Variants in ZNF532 observed in about 807,000 individuals in gnomAD.
ZNF532 encodes zinc finger protein 532.
In ZNF532, 22 loss-of-function variants were observed where a neutral mutation model predicts 89.3. The observed-to-expected ratio is 0.25, with a 90% CI of 0.18 to 0.35. The LOEUF (loss-of-function observed/expected upper bound fraction) is 0.35. ZNF532 is among the 10% of genes least tolerant of loss of function. ZNF532 has a pLI of 1.00. For synonymous variants in ZNF532, 606 were observed against 649.6 expected (o/e 0.93, Z 1.02); for missense variants, 1,132 against 1,643.4 (o/e 0.69, Z 5.38).
At chr18:58,904,565 G>C (rs1225749806) in intron 2 of ZNF532, among the ~76,000 whole-genome samples, 1 of 151,688 alleles carries the variant, frequency 6.6e-6, no homozygotes, top group African/African-American at 2.4e-5. Context: ...CTGAAGGATG[G>C]AGAGAGAGAG....
rs1007840341 is a variant in ZNF532, at chr18:58,948,351, G to T, written c.2868+122G>T. 3 of 1,027,266 alleles carry T rather than the reference G, an allele frequency of 2.9e-6. No individual in the cohort carries two copies. In the African/African-American group the frequency reaches 4.9e-5, roughly 17 times the overall value. 63.6% of individuals were successfully genotyped at this position (1,027,266 alleles called of 1,614,324 possible). On this transcript the variant is annotated intron_variant, in intron 6 of 9. Transcript: ENST00000591808. ...ACTGTCGAGGGAAGGGATGGATGCT[G>T]GTCGTTGTCAGTGAGCAACTTACAT...
intron 2 of ZNF532, among the ~76,000 whole-genome samples, chr18:58,905,262 T>G (rs2059858720): frequency 6.6e-6 from 1 of 152,224 alleles, no homozygotes; most frequent in South Asian, 2.1e-4. Flanking sequence ...CCAGAGCTGT[T>G]AAACACTGTA....
chr18:58,978,929 C>A, intron 7 of ZNF532, 126 bp from the exon 8 acceptor site: 1 of 715,012 alleles, frequency 1.4e-6, no homozygotes. Flanking sequence ...AGTGTCATGT[C>A]AACCCTCAGT....
rs1568327843 is a variant in ZNF532 at position 58,920,527 on chromosome 18, C to G, written c.2240C>G (p.Ser747Cys). ...GCCATGCCCCTAGATGAAGACCCCTCCAAACTGTGTAGACATAGTCTAAAA... is the reference window on the plus strand; with the variant it reads ...GCCATGCCCCTAGATGAAGACCCCTGCAAACTGTGTAGACATAGTCTAAAA... The part of the protein sequence containing the change: ...TPAMPLDEDP[S>C]KLCRHSLKCL... Residue 747 changes from serine (S) to cysteine (C), a missense_variant, in exon 3 of 10, where the codon TCC (serine) becomes TGC (cysteine). Physicochemically the swap from Ser to Cys is moderately radical, Grantham distance 112. This residue lies in a region of ZNF532 where 100 missense variants were observed against 122.0 expected (regional missense o/e 0.82). Coordinates refer to ENST00000591808, the MANE Select transcript of ZNF532 (RefSeq NM_001375912.1). 6.2e-7 allele frequency: 1 copy of G among 1,613,998 alleles called. No individual in the cohort carries two copies. Among genetic ancestry groups the G allele is most frequent in the East Asian group, 2.2e-5 (1 of 44,876 alleles).
rs150160197 is a variant in ZNF532, at chr18:58,887,369, T to A, written c.-18+21790T>A. Among the ~76,000 whole-genome samples, 1,483 of 152,348 alleles carry A rather than the reference T, an allele frequency of 9.7e-3. 13 individuals carry two copies. Among genetic ancestry groups the A allele is most frequent in the African/African-American group, 0.031 (1,274 of 41,582 alleles). The stretch of plus-strand genomic sequence containing the variant: ...ATGGGGCAGGTATTTTTGGAGGCTT[T>A]ATATATTCAGTAAGTAGATATTCCA... On this transcript the variant is annotated intron_variant, in intron 2 of 9. Transcript: ENST00000591808.
chr18:58,981,754 C>CACCACTTT lies in ZNF532; in HGVS notation c.3411+138_3411+145dup. 2.6e-6 allele frequency: 3 copies of CACCACTTT among 1,161,638 alleles called. No homozygotes were observed. In the East Asian group the frequency reaches 7.9e-5, roughly 31 times the overall value. 72.0% of individuals were successfully genotyped at this position (1,161,638 alleles called of 1,614,324 possible). A position where few individuals can be genotyped will look rare whatever the true frequency, so the allele number is the denominator to read the frequency against. ...CTGGCTGGGTGCGGTGGCTCATGCC[C>CACCACTTT]ACCACTTTGGGAGGCCGAGGCGGGT... On this transcript the variant is annotated intron_variant, in intron 9 of 9. Coordinates refer to ENST00000591808, the MANE Select transcript of ZNF532 (RefSeq NM_001375912.1).
intron 7 of ZNF532, among the ~76,000 whole-genome samples, chr18:58,960,194 C>T (rs1168059864): frequency 1.3e-5 from 2 of 152,208 alleles, no homozygotes; most frequent in Non-Finnish European, 2.9e-5. Flanking sequence ...CAGGCATGAG[C>T]CACTGCGCCT....
rs1568328424 is a variant in ZNF532, at chr18:58,920,621, T to G, written c.2334T>G (p.Asp778Glu). 1.9e-6 allele frequency: 3 copies of G among 1,587,940 alleles called. No individual in the cohort carries two copies. Among genetic ancestry groups the G allele is most frequent in the Non-Finnish European group, 2.6e-6 (3 of 1,163,796 alleles). The change falls in exon 3 of 10, where the codon GAT (aspartate) becomes GAG (glutamate). Residue 778 changes from aspartate (D) to glutamate (E), a missense_variant. By Grantham distance (45) the Asp-to-Glu change is conservative. This residue lies in a region of ZNF532 where 100 missense variants were observed against 122.0 expected (regional missense o/e 0.82). Coordinates refer to ENST00000591808, the MANE Select transcript of ZNF532 (RefSeq NM_001375912.1). ...SLATHFQQAADTSGQKTCTIC... is the reference protein window; with the variant it reads ...SLATHFQQAAETSGQKTCTIC... ...CTACACATTTCCAGCAGGCTGCAGA[T>G]ACGAGTGGACAAGTAGAGTATCATT...
intron 7 of ZNF532, among the ~76,000 whole-genome samples, chr18:58,960,427 C>G (rs1189279809): frequency 2.0e-5 from 3 of 152,014 alleles, no homozygotes; most frequent in Non-Finnish European, 4.4e-5. Flanking sequence ...GGCCAGATAC[C>G]CTGCTTGTGT....
Position 58,888,815 on chromosome 18 carries a change from T to TA in ZNF532, c.-18+23236_-18+23237insA, listed in dbSNP as rs1555709407. ...ATATATAATTTATATATATAAAAAA[T>TA]TATATATATAAATTATATATATAAT... On this transcript the variant is annotated intron_variant, in intron 2 of 9. Coordinates refer to ENST00000591808, the MANE Select transcript of ZNF532 (RefSeq NM_001375912.1). Among the ~76,000 whole-genome samples, 11 of 16,804 alleles carry TA rather than the reference T, an allele frequency of 6.5e-4. 1 individual carries two copies. Among genetic ancestry groups the TA allele is most frequent in the Admixed American group, 9.7e-4 (1 of 1,036 alleles). 11.0% of individuals were successfully genotyped at this position (16,804 alleles called of 152,430 possible).
chr18:58,878,371 A>G (rs990739377), intron 2 of ZNF532, among the ~76,000 whole-genome samples: 1 of 152,250 alleles, frequency 6.6e-6, no homozygotes, highest in African/African-American at 2.4e-5. Context: ...ACGGGAACAC[A>G]TACAGATGCA....
intron 7 of ZNF532, among the ~76,000 whole-genome samples, chr18:58,971,215 C>T (rs767077633): frequency 2.0e-5 from 3 of 152,062 alleles, no homozygotes; most frequent in Non-Finnish European, 4.4e-5. Context: ...GTTGTCACCT[C>T]GGTAATCTAG....
intron 5 of ZNF532, among the ~76,000 whole-genome samples, chr18:58,947,634 T>A (rs181369045): frequency 6.6e-6 from 1 of 152,182 alleles, no homozygotes; most frequent in East Asian, 1.9e-4. Flanking sequence ...AACTTTGGAG[T>A]TGAGTAGGCC....
chr18:58,951,808 C>T (rs1039544045), intron 6 of ZNF532, among the ~76,000 whole-genome samples: 1 of 152,084 alleles, frequency 6.6e-6, no homozygotes, highest in Non-Finnish European at 1.5e-5. Context: ...TGCCACCATG[C>T]ACGGCTAATT....
intron 5 of ZNF532, 37 bp from the exon 6 acceptor site, chr18:58,948,030 C>G (rs2063808087): frequency 6.4e-7 from 1 of 1,570,196 alleles, no homozygotes; most frequent in Non-Finnish European, 8.6e-7. Context: ...CTTAAAGAGG[C>G]TGACTGACAT....
chr18:58,879,286 A>G (rs974451038), intron 2 of ZNF532, among the ~76,000 whole-genome samples: 3 of 152,252 alleles, frequency 2.0e-5, no homozygotes, highest in Non-Finnish European at 4.4e-5. Context: ...ATCTTTGTTC[A>G]GACATTGGCA....
chr18:58,907,873 C>T (rs1429233331), intron 2 of ZNF532, among the ~76,000 whole-genome samples: 4 of 152,228 alleles, frequency 2.6e-5, no homozygotes, highest in African/African-American at 7.2e-5. Context: ...ATGATGCCCA[C>T]TTACCTTCTT....
chr18:58,937,000 CA>C (rs1261669981), intron 4 of ZNF532, among the ~76,000 whole-genome samples: 1 of 152,114 alleles, frequency 6.6e-6, no homozygotes, highest in African/African-American at 2.4e-5. Context: ...TTACATCTCC[CA>C]AATACTGATG....
intron 7 of ZNF532, among the ~76,000 whole-genome samples, chr18:58,963,149 A>AT (rs1184233740): frequency 3.9e-5 from 6 of 152,186 alleles, no homozygotes; most frequent in Non-Finnish European, 5.9e-5. Flanking sequence ...CAGGGGACAC[A>AT]ACTCTCTGGA....
Sources: gnomAD v4.1 joint callset for allele counts (sites outside exome capture counted in the v4.1 genomes callset) on GRCh38, gnomAD v4.1.1 for gene constraint, gnomAD v4.1.1 regional missense constraint, MANE v1.5 for transcripts, NCBI Gene and HGNC (gene_info 2026-07-23, HGNC 2026-07-21) for gene names.